The following UNC5C variants were observed in gnomAD, a reference collection of about 807,000 sequenced individuals.
UNC5C encodes netrin receptor UNC5C.
In UNC5C, 47 loss-of-function variants were observed where a neutral mutation model predicts 99.8. The ratio of observed to expected loss-of-function variants is 0.47; its 90% CI spans 0.37 to 0.60. The LOEUF is 0.60. UNC5C is among the 20% of genes least tolerant of loss of function. The pLI is 0.00. For synonymous variants in UNC5C, 487 were observed against 452.2 expected (o/e 1.08, Z -0.98); for missense variants, 1,062 against 1,165.9 (o/e 0.91, Z 1.30).
intron 1 of UNC5C, among the ~76,000 whole-genome samples, chr4:95,406,623 A>G (rs1745838621): frequency 6.6e-6 from 1 of 152,166 alleles, no homozygotes; most frequent in Admixed American, 6.5e-5. Flanking sequence ...AAAACCCCTG[A>G]TTTCTTTCAC....
chr4:95,166,823 T>C lies in UNC5C; in HGVS notation c.*2411A>G, dbSNP rs751101379. 1 of 152,144 alleles carries C rather than the reference T, an allele frequency of 6.6e-6. No homozygotes were observed. The allele number at this position is 152,144 out of a possible 1,614,324, so 9.4% of individuals were successfully genotyped here. A position where few individuals can be genotyped will look rare whatever the true frequency, so the allele number is the denominator to read the frequency against. On this transcript the variant is annotated 3_prime_UTR_variant, in exon 16 of 16. Transcript: ENST00000453304. The stretch of plus-strand genomic sequence containing the variant: ...TAAAAAATGTGTGTGTATAACTGCG[T>C]GTATATATATTTGATTTTTAATTTA...
At chr4:95,482,868 C>A (rs78699010) in intron 1 of UNC5C, among the ~76,000 whole-genome samples, 3 of 91,308 alleles carry the variant, frequency 3.3e-5, no homozygotes, top group South Asian at 3.9e-4. Context: ...GTGGGGTGGG[C>A]GGAGGGGGGA....
chr4:95,217,014 C>CA (rs1738277186), intron 9 of UNC5C, among the ~76,000 whole-genome samples: 1 of 152,192 alleles, frequency 6.6e-6, no homozygotes, highest in African/African-American at 2.4e-5. Flanking sequence ...CTCATCATCA[C>CA]AAAGAGTGAT....
At chr4:95,303,560 C>T (rs974417312) in intron 2 of UNC5C, among the ~76,000 whole-genome samples, 3 of 152,168 alleles carry the variant, frequency 2.0e-5, no homozygotes, top group African/African-American at 7.2e-5. Context: ...CCTGTAATCC[C>T]AGCTACTCGG....
chr4:95,474,952 C>G (rs1178362407), intron 1 of UNC5C, among the ~76,000 whole-genome samples: 1 of 152,052 alleles, frequency 6.6e-6, no homozygotes, highest in African/African-American at 2.4e-5. Context: ...CTTTACAGTG[C>G]CTTGGTATGA....
intron 1 of UNC5C, among the ~76,000 whole-genome samples, chr4:95,545,688 C>T (rs1263788431): frequency 2.0e-5 from 3 of 151,750 alleles, no homozygotes; most frequent in East Asian, 1.9e-4. Flanking sequence ...CATATCAATG[C>T]TGTGTAGCCC....
At chr4:95,538,588 C>T (rs1722836596) in intron 1 of UNC5C, among the ~76,000 whole-genome samples, 1 of 152,100 alleles carries the variant, frequency 6.6e-6, no homozygotes, top group African/African-American at 2.4e-5. Flanking sequence ...ACATATTTCA[C>T]TATGAAAACC....
At chr4:95,523,452 A>G (rs1236443022) in intron 1 of UNC5C, among the ~76,000 whole-genome samples, 2 of 152,190 alleles carry the variant, frequency 1.3e-5, no homozygotes, top group African/African-American at 2.4e-5. Context: ...CTCTGCACGT[A>G]GCAGAAACGG....
chr4:95,415,077 T>C (rs1043256331), intron 1 of UNC5C, among the ~76,000 whole-genome samples: 12 of 152,124 alleles, frequency 7.9e-5, no homozygotes, highest in Non-Finnish European at 1.5e-4. Context: ...CTTTCTTTTC[T>C]TGTCTTCTGG....
At chr4:95,322,937 CA>C (rs34082198) in intron 2 of UNC5C, among the ~76,000 whole-genome samples, 23,365 of 89,588 alleles carry the variant, frequency 0.26, 1,701 homozygotes, top group Middle Eastern at 0.29. Flanking sequence ...GATTCTGTCT[CA>C]AAAAAAAAAA....
chr4:95,400,082 T>C (rs1334527321), intron 1 of UNC5C, among the ~76,000 whole-genome samples: 1 of 152,218 alleles, frequency 6.6e-6, no homozygotes, highest in Non-Finnish European at 1.5e-5. Flanking sequence ...ATATATAGAC[T>C]GTAGTGGACA....
In UNC5C at chr4:95,250,507, G is replaced by A; in HGVS notation, c.755C>T (p.Thr252Ile). The change falls in exon 5 of 16, where the codon ACT becomes ATT. Residue 252 changes from threonine to isoleucine, a missense_variant. By Grantham distance (89) the Thr-to-Ile change is moderately conservative. This residue lies in a region of UNC5C where 810 missense variants were observed against 854.5 expected (regional missense o/e 0.95). Coordinates refer to ENST00000453304, the MANE Select transcript of UNC5C (RefSeq NM_003728.4). ...CTCACCATAGACTATGACAGTGGCA[G>A]TTGTACTTTTCCTCTTGGCAACAAT... ...KNIVAKRKST[T>I]ATVIVYVNGG... 1 of 1,614,042 alleles carries A rather than the reference G, an allele frequency of 6.2e-7. No homozygotes were observed. The highest frequency in any genetic ancestry group is 1.1e-5 in the South Asian group (1 of 91,066).
intron 4 of UNC5C, among the ~76,000 whole-genome samples, chr4:95,255,088 C>T (rs1329703018): frequency 6.6e-6 from 1 of 151,940 alleles, no homozygotes; most frequent in Non-Finnish European, 1.5e-5. Context: ...CAAGCGATTC[C>T]TGTGCCTTAG....
At chr4:95,508,155 T>G (rs1365470802) in intron 1 of UNC5C, among the ~76,000 whole-genome samples, 5 of 151,912 alleles carry the variant, frequency 3.3e-5, no homozygotes, top group Non-Finnish European at 7.4e-5. Context: ...AGAATAGGGT[T>G]TAAAGGCAAC....
intron 15 of UNC5C, among the ~76,000 whole-genome samples, chr4:95,169,700 A>T (rs1736011086): frequency 1.3e-5 from 2 of 152,182 alleles, no homozygotes; most frequent in South Asian, 4.1e-4. Flanking sequence ...GGCTTGGATG[A>T]TCTTTGACAG....
intron 6 of UNC5C, 119 bp from the exon 7 acceptor site, chr4:95,242,712 C>T: frequency 8.7e-7 from 1 of 1,155,420 alleles, no homozygotes; most frequent in East Asian, 2.7e-5. Flanking sequence ...TACTGAGAAG[C>T]ACTGTATTCA....
intron 1 of UNC5C, among the ~76,000 whole-genome samples, chr4:95,445,946 A>G (rs1039289516): frequency 7.1e-6 from 1 of 140,744 alleles, no homozygotes; most frequent in African/African-American, 2.7e-5. Flanking sequence ...CGTTTCTGGA[A>G]GATAACAAAG....
rs201871465 is a variant in UNC5C at position 95,216,143 on chromosome 4, G to A, written c.1714C>T (p.His572Tyr). The A allele has an allele frequency of 3.1e-6, 5 of 1,613,660 alleles. No individual in the cohort carries two copies. The highest frequency in any genetic ancestry group is 1.7e-4 in the Middle Eastern group (1 of 6,054). Residue 572 changes from histidine (H) to tyrosine (Y), a missense_variant, in exon 10 of 16, where the codon CAC becomes TAC. By Grantham distance (83) the His-to-Tyr change is moderately conservative. Coordinates refer to ENST00000453304, the MANE Select transcript of UNC5C (RefSeq NM_003728.4). ...ATTTACCTCATAGTTTCTTTCCTGT[G>A]TACAGTCACATACATTTCGTAGACT... ...GRVYEMYVTV[H>Y]RKETMRPPMD... is the part of the protein sequence containing the mutation.
chr4:95,405,814 C>T (rs1745817688), intron 1 of UNC5C, among the ~76,000 whole-genome samples: 1 of 152,170 alleles, frequency 6.6e-6, no homozygotes, highest in Non-Finnish European at 1.5e-5. Context: ...TATATTTTCT[C>T]ACTGCCTTTA....
Sources: allele counts gnomAD v4.1 joint callset (sites outside exome capture counted in the v4.1 genomes callset), GRCh38; gene constraint gnomAD v4.1.1; regional missense constraint gnomAD v4.1.1; transcripts MANE v1.5; gene names NCBI Gene and HGNC (gene_info 2026-07-23, HGNC 2026-07-21).